The following GRB14 variants were observed in gnomAD, a reference collection of about 807,000 sequenced individuals.
The protein encoded by GRB14 is growth factor receptor-bound protein 14.
Under a neutral mutation model 69.1 loss-of-function variants are expected in GRB14, and 38 were observed. That is an observed-to-expected ratio of 0.55 (90% CI 0.42 to 0.72). GRB14 has a LOEUF of 0.72. Ranked by LOEUF, GRB14 falls within the 30% of genes least tolerant of loss-of-function variation. The pLI is 0.00. For synonymous variants in GRB14, 247 were observed against 241.3 expected (o/e 1.02, Z -0.22); for missense variants, 666 against 666.1 (o/e 1.00, Z 0.00).
chr2:164,511,305 T>G (rs376373281), intron 6 of GRB14, among the ~76,000 whole-genome samples: 513 of 152,244 alleles, frequency 3.4e-3, no homozygotes, highest in South Asian at 0.024. Context: ...TGCACTACCC[T>G]TCCCACAAGC....
chr2:164,572,830 G>A (rs1357809310), intron 2 of GRB14, among the ~76,000 whole-genome samples: 3 of 152,096 alleles, frequency 2.0e-5, no homozygotes, highest in Non-Finnish European at 4.4e-5. Context: ...AAAGCAATAA[G>A]GAGATGTTTC....
intron 2 of GRB14, among the ~76,000 whole-genome samples, chr2:164,586,617 T>C (rs12692724): frequency 0.77 from 116,410 of 152,138 alleles, 45,248 homozygotes; most frequent in African/African-American, 0.85. Context: ...GCTACAGTGT[T>C]GGAGCTTTCA....
At chr2:164,553,905 G>C (rs1490560702) in intron 2 of GRB14, among the ~76,000 whole-genome samples, 1 of 152,072 alleles carries the variant, frequency 6.6e-6, no homozygotes, top group Non-Finnish European at 1.5e-5. Context: ...GGTGAGCCAA[G>C]ATCGCGCCAC....
intron 2 of GRB14, among the ~76,000 whole-genome samples, chr2:164,604,393 C>T (rs1689995509): frequency 6.6e-6 from 1 of 152,078 alleles, no homozygotes; most frequent in South Asian, 2.1e-4. Flanking sequence ...TATATTTATT[C>T]ATATGGATTA....
chr2:164,494,858 G>GTAAC (rs1686851838), intron 12 of GRB14, among the ~76,000 whole-genome samples: 1 of 152,128 alleles, frequency 6.6e-6, no homozygotes, highest in Admixed American at 6.5e-5. Flanking sequence ...GTATTCACAT[G>GTAAC]TAACTGTTTT....
intron 2 of GRB14, among the ~76,000 whole-genome samples, chr2:164,588,777 CA>C (rs1689593901): frequency 6.6e-6 from 1 of 152,110 alleles, no homozygotes; most frequent in Non-Finnish European, 1.5e-5. Context: ...AGTTTATTAA[CA>C]AAAGAGAGAC....
chr2:164,596,742 T>C (rs1319435980), intron 2 of GRB14, among the ~76,000 whole-genome samples: 1 of 152,188 alleles, frequency 6.6e-6, no homozygotes, highest in Non-Finnish European at 1.5e-5. Context: ...ATCTTATTTT[T>C]ACACTTCAAA....
At chr2:164,587,437 C>T (rs956738074) in intron 2 of GRB14, among the ~76,000 whole-genome samples, 3 of 152,152 alleles carry the variant, frequency 2.0e-5, no homozygotes, top group African/African-American at 7.2e-5. Flanking sequence ...AGGAAGTTGT[C>T]TTTCAGTTAA....
chr2:164,573,907 T>G, intron 2 of GRB14: 1 of 1,612,302 alleles, frequency 6.2e-7, no homozygotes, highest in Non-Finnish European at 8.5e-7. Context: ...AATTAGGTCA[T>G]GTGGTTATGG....
At chr2:164,511,080 G>A (rs1241089038) in intron 6 of GRB14, among the ~76,000 whole-genome samples, 1 of 152,148 alleles carries the variant, frequency 6.6e-6, no homozygotes. Flanking sequence ...CTAACCAGAG[G>A]GGAACCGCCC....
chr2:164,527,192 TA>T (rs2105288778), intron 3 of GRB14, 57 bp from the exon 4 acceptor site: 1 of 156,058 alleles, frequency 6.4e-6, no homozygotes, highest in Admixed American at 8.5e-5. Context: ...TATATATATA[TA>T]TATATATATA....
chr2:164,607,219 G>A (rs73030006), intron 2 of GRB14, among the ~76,000 whole-genome samples: 2,215 of 152,106 alleles, frequency 0.015, 46 homozygotes, highest in African/African-American at 0.051. Flanking sequence ...ATATCAGTAC[G>A]TTTCCAAATA....
rs201926887 is a variant in GRB14 at position 164,619,717 on chromosome 2, T to G, written c.294A>C (p.Leu98=). 3.2e-6 allele frequency: 5 copies of G among 1,584,224 alleles called. No individual in the cohort carries two copies. The highest frequency in any genetic ancestry group is 4.3e-6 in the Non-Finnish European group (5 of 1,172,030). ...SPFTSVLSAD[L]FPKANSRKKQ... ...TTTTCCTTGAATTTGCTTTGGGAAATAGGTCTGCTGACAACACAGATGTAA... is the reference window on the plus strand; with the variant it reads ...TTTTCCTTGAATTTGCTTTGGGAAAGAGGTCTGCTGACAACACAGATGTAA... Residue 98 remains leucine (L), a synonymous_variant, in exon 2 of 14, where the codon CTA becomes CTC. Coordinates refer to ENST00000263915, the MANE Select transcript of GRB14 (RefSeq NM_004490.3).
chr2:164,592,520 C>A (rs1480822457), intron 2 of GRB14, among the ~76,000 whole-genome samples: 1 of 152,156 alleles, frequency 6.6e-6, no homozygotes, highest in Non-Finnish European at 1.5e-5. Flanking sequence ...CAAGCCAGCT[C>A]TGACATGGAG....
At chr2:164,586,229 T>C (rs983608688) in intron 2 of GRB14, among the ~76,000 whole-genome samples, 3 of 152,160 alleles carry the variant, frequency 2.0e-5, no homozygotes, top group African/African-American at 7.2e-5. Flanking sequence ...GTAACATATT[T>C]GGATTTGAGT....
chr2:164,509,733 T>C (rs563035209), intron 6 of GRB14, among the ~76,000 whole-genome samples: 3 of 143,530 alleles, frequency 2.1e-5, no homozygotes, highest in Non-Finnish European at 4.5e-5. Context: ...CCTGAATCAG[T>C]ATCTGCATTT....
Position 164,508,758 on chromosome 2 carries a change from T to C in GRB14, c.911A>G (p.Tyr304Cys), listed in dbSNP as rs144729984. The change falls in exon 7 of 14, where the codon TAT becomes TGT. Residue 304 changes from tyrosine (Y) to cysteine (C), a missense_variant. Coordinates refer to ENST00000263915, the MANE Select transcript of GRB14 (RefSeq NM_004490.3). The part of the protein sequence containing the change: ...GKKKHGAPTN[Y>C]GFCFKPNKAG... ...AGCCTGTACCTTAAAGCAGAATCCA[T>C]AGTTAGTCGGTGCTCCATGTTTTTT... The C allele has an allele frequency of 2.6e-5, 41 of 1,585,574 alleles. No individual in the cohort carries two copies. Among genetic ancestry groups the C allele is most frequent in the Non-Finnish European group, 3.5e-5 (41 of 1,169,954 alleles).
intron 2 of GRB14, among the ~76,000 whole-genome samples, chr2:164,584,506 A>C (rs1334951420): frequency 1.3e-5 from 2 of 152,078 alleles, no homozygotes; most frequent in Non-Finnish European, 2.9e-5. Flanking sequence ...ATACACTTGA[A>C]AACAGTTTCA....
chr2:164,618,067 A>G (rs1690348515), intron 2 of GRB14, among the ~76,000 whole-genome samples: 2 of 151,710 alleles, frequency 1.3e-5, no homozygotes, highest in Non-Finnish European at 2.9e-5. Flanking sequence ...CCTGGGTTCA[A>G]GCGATTCTCC....
Sources: gnomAD v4.1 joint callset for allele counts (sites outside exome capture counted in the v4.1 genomes callset) on GRCh38, gnomAD v4.1.1 for gene constraint, MANE v1.5 for transcripts, NCBI Gene and HGNC (gene_info 2026-07-23, HGNC 2026-07-21) for gene names.